The following AP3D1 variants were observed in gnomAD, a reference collection of about 807,000 sequenced individuals.
AP3D1 encodes the protein adaptor related protein complex 3 subunit delta 1, also known as AP-3 complex subunit delta-1.
In AP3D1, 51 loss-of-function variants were observed where a neutral mutation model predicts 147.6. The ratio of observed to expected loss-of-function variants is 0.35; its 90% CI spans 0.28 to 0.44. AP3D1 has a LOEUF of 0.44. Among genes scored for constraint, AP3D1 ranks in the 20% least tolerant of loss-of-function variants. AP3D1 has a pLI of 1.00. For missense variants in AP3D1, 1,421 were observed against 1,624.2 expected (o/e 0.87, Z 2.15); for synonymous variants, 760 against 663.0 (o/e 1.15, Z -2.25).
chr19:2,152,557 G>T (rs1463824968), upstream of AP3D1, among the ~76,000 whole-genome samples: 1 of 146,878 alleles, frequency 6.8e-6, no homozygotes, highest in Non-Finnish European at 1.5e-5. Flanking sequence ...AAAAGAGAGG[G>T]AGAAAGAAAG....
At chr19:2,155,337 G>T (rs1185732659), upstream of AP3D1, among the ~76,000 whole-genome samples, 1 of 151,244 alleles carries the variant, frequency 6.6e-6, no homozygotes, top group African/African-American at 2.4e-5. Flanking sequence ...CTCCAGCCTG[G>T]GCGACAGAGT....
At chr19:2,111,649 G>A (rs750518726) in intron 25 of AP3D1, 30 bp downstream of exon 25, 26 of 1,559,462 alleles carry the variant, frequency 1.7e-5, no homozygotes, top group African/African-American at 1.1e-4. Context: ...GAACCCCGGC[G>A]TGGGGCGGGG....
intron 15 of AP3D1, among the ~76,000 whole-genome samples, chr19:2,117,883 G>A (rs998226324): frequency 3.9e-5 from 6 of 152,274 alleles, no homozygotes; most frequent in African/African-American, 1.4e-4. Context: ...CAGATGGCCA[G>A]GTGCGATGGT....
chr19:2,116,918 G>A, intron 16 of AP3D1, 172 bp from the exon 17 acceptor site: 1 of 982,778 alleles, frequency 1.0e-6, no homozygotes, highest in South Asian at 1.9e-5. Flanking sequence ...AGAGGACGCA[G>A]GGACCCAGGA....
chr19:2,121,635 G>C, intron 12 of AP3D1, 99 bp downstream of exon 12: 1 of 1,448,902 alleles, frequency 6.9e-7, no homozygotes, highest in East Asian at 2.4e-5. Context: ...GGCCGAGTGT[G>C]AGGGGACTCC....
In AP3D1 at chr19:2,109,313, CTG is replaced by C. The variant is rs2018199208; in HGVS notation, c.3351-108_3351-107del. 3 of 1,424,318 alleles carry C rather than the reference CTG, an allele frequency of 2.1e-6. No individual in the cohort carries two copies. In the African/African-American group the frequency reaches 4.4e-5, roughly 21 times the overall value. The allele number at this position is 1,424,318 out of a possible 1,614,324, so 88.2% of individuals were successfully genotyped here. A position where few individuals can be genotyped will look rare whatever the true frequency, so the allele number is the denominator to read the frequency against. ...ACACACGCTGCGCTTGGACACCCTC[CTG>C]TGTGTCTGGGCCGGGAGGTCTTGGG... On this transcript the variant is annotated intron_variant, in intron 29 of 31. Coordinates refer to ENST00000643116, the MANE Select transcript of AP3D1 (RefSeq NM_001261826.3).
rs199564568 is a variant in AP3D1 at position 2,112,845 on chromosome 19, G to A, written c.2787+15C>T. 1 of 1,598,614 alleles carries A rather than the reference G, an allele frequency of 6.3e-7. No individual in the cohort carries two copies. The highest frequency in any genetic ancestry group is 8.5e-7 in the Non-Finnish European group (1 of 1,170,844). On this transcript the variant is annotated intron_variant, in intron 24 of 31. Transcript: ENST00000643116. ...ATGCAGCCCTCCACAGCCCCTGGGG[G>A]AGTGACAGCCTCACCTTGTCCTGGT...
At chr19:2,158,308 G>C (rs567578402) in intron 1 of AP3D1, among the ~76,000 whole-genome samples, 1 of 151,416 alleles carries the variant, frequency 6.6e-6, no homozygotes, top group African/African-American at 2.4e-5. Context: ...CGCCCACCTC[G>C]GCCTCCCAAA....
chr19:2,118,397 A>G (rs568172147), intron 15 of AP3D1, among the ~76,000 whole-genome samples: 1 of 152,274 alleles, frequency 6.6e-6, no homozygotes, highest in African/African-American at 2.4e-5. Flanking sequence ...GACCTGCCCC[A>G]GTCCTACTGA....
At chr19:2,117,521 TGTC>T (rs541218575) in intron 15 of AP3D1, among the ~76,000 whole-genome samples, 154 bp from the exon 16 acceptor site, 64 of 152,320 alleles carry the variant, frequency 4.2e-4, no homozygotes, top group African/African-American at 1.4e-3. Flanking sequence ...ATGCCGTCTC[TGTC>T]GTCATCATCC....
At chr19:2,140,794 C>G (rs1470916588) in intron 1 of AP3D1, among the ~76,000 whole-genome samples, 1 of 133,712 alleles carries the variant, frequency 7.5e-6, no homozygotes, top group Non-Finnish European at 1.6e-5. Context: ...GAGTCTCGCT[C>G]TGATGCCAGG....
intron 22 of AP3D1, 93 bp downstream of exon 22, chr19:2,114,032 A>T (rs2018362408): frequency 6.1e-6 from 9 of 1,471,002 alleles, no homozygotes; most frequent in South Asian, 1.5e-5. Flanking sequence ...ACTCAGACTC[A>T]CAGCCATTTC....
At position 2,123,039 on chromosome 19, in the gene AP3D1, G is replaced by A. The variant is rs73512365; in HGVS notation, c.955+319C>T. Among the ~76,000 whole-genome samples the A allele has an allele frequency of 9.8e-3, 1,496 of 152,302 alleles. 27 individuals carry two copies. The highest frequency in any genetic ancestry group is 0.033 in the African/African-American group (1,382 of 41,568). On this transcript the variant is annotated intron_variant, in intron 11 of 31. Coordinates refer to ENST00000643116, the MANE Select transcript of AP3D1 (RefSeq NM_001261826.3). ...AGAGGCTGAAATATCCAGAAATTTC[G>A]GACCAAGGTGCTCAGTGAGTGGCAT...
chr19:2,109,490 G>T (rs544903197), intron 29 of AP3D1: 3 of 502,732 alleles, frequency 6.0e-6, no homozygotes, highest in Admixed American at 3.6e-5. Context: ...GGAAGGGACT[G>T]GGGGGATAGG....
At chr19:2,130,995 C>T (rs2018923373) in intron 5 of AP3D1, among the ~76,000 whole-genome samples, 1 of 152,268 alleles carries the variant, frequency 6.6e-6, no homozygotes, top group African/African-American at 2.4e-5. Context: ...GACATCCACC[C>T]TCTCGTGGGC....
At chr19:2,131,727 G>A (rs1253886360) in intron 5 of AP3D1, among the ~76,000 whole-genome samples, 3 of 114,596 alleles carry the variant, frequency 2.6e-5, no homozygotes, top group South Asian at 5.6e-4. Context: ...GCAGCCACGC[G>A]GGGACCGCGC....
At chr19:2,113,942 T>A (rs577203864) in intron 22 of AP3D1, among the ~76,000 whole-genome samples, 183 bp downstream of exon 22, 2 of 152,072 alleles carry the variant, frequency 1.3e-5, no homozygotes, top group African/African-American at 4.8e-5. Flanking sequence ...CTGACACAAG[T>A]GCACAGTCAG....
At chr19:2,148,873 A>C (rs1322338853) in intron 1 of AP3D1, among the ~76,000 whole-genome samples, 1 of 152,172 alleles carries the variant, frequency 6.6e-6, no homozygotes, top group Non-Finnish European at 1.5e-5. Context: ...CTTTTTTTGG[A>C]AACTATACTG....
chr19:2,112,978 C>G lies in AP3D1; in HGVS notation c.2680-11G>C. 3.7e-6 allele frequency: 6 copies of G among 1,601,478 alleles called. No homozygotes were observed. Among genetic ancestry groups the G allele is most frequent in the Non-Finnish European group, 5.1e-6 (6 of 1,174,514 alleles). On this transcript the variant is annotated splice_polypyrimidine_tract_variant and intron_variant, in intron 23 of 31. Transcript: ENST00000643116. Reference sequence around the variant, plus strand: ...CACACTGAGCTCCCCCTGCAGGGAGCCAGGGCTTGGGGCTCATGCTGGGCA... The same window carrying G: ...CACACTGAGCTCCCCCTGCAGGGAGGCAGGGCTTGGGGCTCATGCTGGGCA...
Sources: allele counts gnomAD v4.1 joint callset (sites outside exome capture counted in the v4.1 genomes callset), GRCh38; gene constraint gnomAD v4.1.1; transcripts MANE v1.5; gene names NCBI Gene and HGNC (gene_info 2026-07-23, HGNC 2026-07-21).